The following CLIC5 variants were observed in gnomAD, a reference collection of about 807,000 sequenced individuals.
CLIC5 encodes the protein chloride intracellular channel protein 5.
A neutral mutation model predicts 24.7 loss-of-function variants in CLIC5; 20 were observed. That is an observed-to-expected ratio of 0.81 (90% CI 0.57 to 1.18). CLIC5 has a LOEUF of 1.18. Among genes scored for constraint, CLIC5 ranks in the 50% most tolerant of loss-of-function variants. CLIC5 has a pLI of 0.00. For missense variants in CLIC5, 341 were observed against 326.1 expected (o/e 1.05, Z -0.35); for synonymous variants, 159 against 135.6 (o/e 1.17, Z -1.20).
At chr6:46,081,811 G>C (rs539577259), upstream of CLIC5, among the ~76,000 whole-genome samples, 1 of 152,192 alleles carries the variant, frequency 6.6e-6, no homozygotes, top group Non-Finnish European at 1.5e-5. Flanking sequence ...GCTGACTTTA[G>C]CTGTGGTTTT....
At chr6:45,887,922 A>G (rs1762319464) in intron 6 of CLIC5, among the ~76,000 whole-genome samples, 1 of 152,264 alleles carries the variant, frequency 6.6e-6, no homozygotes, top group African/African-American at 2.4e-5. Context: ...AGAAAAATCA[A>G]TGAATGTTAA....
intron 1 of CLIC5, among the ~76,000 whole-genome samples, chr6:45,958,610 A>C (rs1764745815): frequency 6.6e-6 from 1 of 151,264 alleles, no homozygotes; most frequent in Non-Finnish European, 1.5e-5. Flanking sequence ...GCCACATATA[A>C]TATTCCATAT....
intron 1 of CLIC5, among the ~76,000 whole-genome samples, chr6:45,980,077 T>C (rs1765519915): frequency 6.6e-6 from 1 of 151,976 alleles, no homozygotes; most frequent in Admixed American, 6.6e-5. Context: ...AATTTTTGTA[T>C]GTGGTGAAAG....
intron 5 of CLIC5, among the ~76,000 whole-genome samples, chr6:45,905,816 G>A (rs576335607): frequency 6.6e-6 from 1 of 152,212 alleles, no homozygotes; most frequent in Non-Finnish European, 1.5e-5. Context: ...TGTACAGAAT[G>A]TTTCCTGGTT....
At chr6:46,109,189 T>G in the CLIC5 span, among the ~76,000 whole-genome samples, 6 of 152,302 alleles carry the variant, frequency 3.9e-5, no homozygotes, top group African/African-American at 1.4e-4. Context: ...ACAATTATTC[T>G]TTTACTTTTT....
At chr6:46,101,882 A>G in the CLIC5 span, among the ~76,000 whole-genome samples, 1 of 152,074 alleles carries the variant, frequency 6.6e-6, no homozygotes, top group South Asian at 2.1e-4. Flanking sequence ...ACCCCTAGAA[A>G]TAACCATTCC....
intron 4 of CLIC5, among the ~76,000 whole-genome samples, chr6:45,923,863 G>T (rs1763369482): frequency 6.6e-6 from 1 of 152,176 alleles, no homozygotes; most frequent in Non-Finnish European, 1.5e-5. Context: ...TGCCTGGGCT[G>T]GGGTCCTGAC....
chr6:45,985,139 C>T (rs187431574), intron 1 of CLIC5, among the ~76,000 whole-genome samples: 16 of 152,288 alleles, frequency 1.1e-4, no homozygotes, highest in Admixed American at 9.2e-4. Flanking sequence ...GGGTAAGGAA[C>T]ATCCACATAG....
chr6:45,980,414 G>A (rs1379492092), intron 1 of CLIC5, among the ~76,000 whole-genome samples: 1 of 152,086 alleles, frequency 6.6e-6, no homozygotes, highest in Non-Finnish European at 1.5e-5. Context: ...CTACTAGAGG[G>A]GGTAGAGTGG....
intron 5 of CLIC5, among the ~76,000 whole-genome samples, chr6:45,904,151 G>A (rs1762585485): frequency 1.3e-5 from 2 of 152,112 alleles, no homozygotes; most frequent in South Asian, 4.2e-4. Context: ...GTGACATTGG[G>A]CAGGTTACTT....
At position 45,914,336 on chromosome 6, in the gene CLIC5, A is replaced by T; in HGVS notation, c.480T>A (p.Ile160=). 6.2e-7 allele frequency: 1 copy of T among 1,610,208 alleles called. No homozygotes were observed. The highest frequency in any genetic ancestry group is 8.5e-7 in the Non-Finnish European group (1 of 1,177,228). The change falls in exon 5 of 6, where the codon ATT becomes ATA. Residue 160 remains isoleucine, a synonymous_variant. Transcript: ENST00000339561. ...DYLNTPLPEE[I]DANTCGEDKG... is the part of the protein sequence containing the mutation. ...TGTCTTCCCCACAAGTGTTGGCGTC[A>T]ATCTCCTCTGGTAGAGGGGTGTTCA... is the stretch of plus-strand genomic sequence containing the variant.
chr6:45,913,291 T>A (rs947633273), intron 5 of CLIC5, among the ~76,000 whole-genome samples: 7 of 152,196 alleles, frequency 4.6e-5, no homozygotes, highest in Non-Finnish European at 7.3e-5. Flanking sequence ...GATACTAGGC[T>A]GACGAGGGTC....
chr6:45,968,054 C>T (rs1330112328), intron 1 of CLIC5, among the ~76,000 whole-genome samples: 2 of 152,164 alleles, frequency 1.3e-5, no homozygotes, highest in African/African-American at 4.8e-5. Flanking sequence ...ATTAGGAAAA[C>T]CCATGCAGAA....
chr6:46,124,040 T>A, the CLIC5 span, among the ~76,000 whole-genome samples: 2 of 152,214 alleles, frequency 1.3e-5, no homozygotes, highest in Admixed American at 6.5e-5. Flanking sequence ...GCCATCCCCA[T>A]CAAGCTACCA....
At chr6:46,081,441 C>T (rs1562042882), upstream of CLIC5, among the ~76,000 whole-genome samples, 1 of 152,172 alleles carries the variant, frequency 6.6e-6, no homozygotes, top group Non-Finnish European at 1.5e-5. Flanking sequence ...CTTCGTTGTA[C>T]TCTTAGACTT....
At chr6:45,978,186 A>C (rs1281655479) in intron 1 of CLIC5, among the ~76,000 whole-genome samples, 2 of 152,184 alleles carry the variant, frequency 1.3e-5, no homozygotes, top group South Asian at 2.1e-4. Flanking sequence ...TTGTGGTGCA[A>C]AATAACTGCT....
Position 46,077,455 on chromosome 6 carries a change from A to G in CLIC5, c.540+2248T>C, listed in dbSNP as rs150957563. Among the ~76,000 whole-genome samples the G allele has an allele frequency of 1.7e-4, 26 of 152,118 alleles. No individual in the cohort carries two copies. In the East Asian group the frequency reaches 4.5e-3, roughly 26 times the overall value. On this transcript the variant is annotated intron_variant, in intron 1 of 5. Coordinates refer to the CLIC5 transcript ENST00000185206. ...AGAGCTCCCTCCAGTGTGGGGGACC[A>G]ACATCCCTTCCACAGAGCAGGGAAG...
At chr6:45,967,987 A>T (rs1765073326) in intron 1 of CLIC5, among the ~76,000 whole-genome samples, 2 of 152,158 alleles carry the variant, frequency 1.3e-5, no homozygotes, top group Admixed American at 1.3e-4. Context: ...GGGGACACAC[A>T]TTCAAACCAT....
At chr6:45,973,354 C>T (rs1298250208) in intron 1 of CLIC5, among the ~76,000 whole-genome samples, 1 of 152,220 alleles carries the variant, frequency 6.6e-6, no homozygotes, top group Non-Finnish European at 1.5e-5. Flanking sequence ...TGCCTCTGTG[C>T]AACCTCTAGT....
Sources: gnomAD v4.1 joint callset for allele counts (sites outside exome capture counted in the v4.1 genomes callset) on GRCh38, gnomAD v4.1.1 for gene constraint, MANE v1.5 for transcripts, NCBI Gene and HGNC (gene_info 2026-07-23, HGNC 2026-07-21) for gene names.